The following CHST11 variants were observed in gnomAD, a reference collection of about 807,000 sequenced individuals.
CHST11 encodes the protein carbohydrate sulfotransferase 11, also known as C4S-1.
CHST11 carries 9 observed loss-of-function variants against 30.4 expected under a neutral mutation model. The observed-to-expected ratio is 0.30, with a 90% CI of 0.18 to 0.52. The LOEUF (loss-of-function observed/expected upper bound fraction) is 0.52. Among genes scored for constraint, CHST11 ranks in the 20% least tolerant of loss-of-function variants. The pLI, the probability that CHST11 is intolerant of heterozygous loss-of-function variation, is 0.97. For missense variants in CHST11, 348 were observed against 460.6 expected, an observed-to-expected ratio of 0.76 and a Z score of 2.24; for synonymous variants, 152 against 187.8, an observed-to-expected ratio of 0.81 and a Z score of 1.56.
chr12:104,530,897 A>G (rs777824965), intron 1 of CHST11, among the ~76,000 whole-genome samples: 4 of 152,226 alleles, frequency 2.6e-5, no homozygotes, highest in Admixed American at 6.5e-5. Flanking sequence ...CATGATTTAG[A>G]TGTTTCGCAG....
chr12:104,508,318 T>TG (rs2037927252), intron 1 of CHST11, among the ~76,000 whole-genome samples: 1 of 152,254 alleles, frequency 6.6e-6, no homozygotes, highest in African/African-American at 2.4e-5. Context: ...TCACCCTCTC[T>TG]GGGCTTCAGG....
At chr12:104,531,479 A>AAAAAAAAG (rs1167716012) in intron 1 of CHST11, among the ~76,000 whole-genome samples, 5 of 145,362 alleles carry the variant, frequency 3.4e-5, no homozygotes, top group African/African-American at 1.3e-4. Context: ...AAAAAAAAAA[A>AAAAAAAAG]AGAGAGAGAG....
At chr12:104,639,589 G>A (rs1034137364) in intron 2 of CHST11, among the ~76,000 whole-genome samples, 2 of 152,196 alleles carry the variant, frequency 1.3e-5, no homozygotes, top group Non-Finnish European at 2.9e-5. Context: ...GAGGAGCAAG[G>A]TGGCCTGAGG....
chr12:104,553,258 T>C lies in CHST11; in HGVS notation c.119-48648T>C, dbSNP rs534477811. On this transcript the variant is annotated intron_variant, in intron 1 of 2. Transcript: ENST00000303694. ...GAAATGGTGGTGGTGGGGATGGTTA[T>C]GGTGATAGTTGCAGGGGGAGAGCCT... 2.6e-5 allele frequency: 4 copies of C among 152,358 alleles called. No individual in the cohort carries two copies. In the East Asian group the frequency reaches 7.7e-4, roughly 29 times the overall value. The allele number at this position is 152,358 out of a possible 1,614,324, so 9.4% of individuals were successfully genotyped here. A position where few individuals can be genotyped will look rare whatever the true frequency, so the allele number is the denominator to read the frequency against.
chr12:104,675,243 T>C (rs1276417594), intron 2 of CHST11, among the ~76,000 whole-genome samples: 1 of 152,256 alleles, frequency 6.6e-6, no homozygotes, highest in Non-Finnish European at 1.5e-5. Flanking sequence ...AAGAGAGGTT[T>C]ACCGTTGAAA....
In CHST11 at chr12:104,714,924, G is replaced by A. The variant is rs76291223; in HGVS notation, c.205-42025G>A. On this transcript the variant is annotated intron_variant, in intron 2 of 2. Coordinates refer to ENST00000303694, the MANE Select transcript of CHST11 (RefSeq NM_018413.6). The stretch of plus-strand genomic sequence containing the variant: ...GCTAGAACTCAAGACCTAATGTTCC[G>A]ATCCAGACCCGAAGCAAGCTGGGGT... Among the ~76,000 whole-genome samples the A allele has an allele frequency of 3.8e-3, 580 of 152,234 alleles. 2 individuals are homozygous for A. The highest frequency in any genetic ancestry group is 0.013 in the African/African-American group (540 of 41,528).
At chr12:104,560,076 G>C (rs1037520654) in intron 1 of CHST11, among the ~76,000 whole-genome samples, 2 of 152,160 alleles carry the variant, frequency 1.3e-5, no homozygotes, top group Non-Finnish European at 2.9e-5. Context: ...GAATACCAAG[G>C]ACAAAGGCTC....
At chr12:104,632,202 G>A (rs1255847383) in intron 2 of CHST11, among the ~76,000 whole-genome samples, 1 of 152,006 alleles carries the variant, frequency 6.6e-6, no homozygotes, top group African/African-American at 2.4e-5. Flanking sequence ...CCCAAATGAT[G>A]GATGAATAGA....
At chr12:104,524,039 CTTT>C (rs10594720) in intron 1 of CHST11, among the ~76,000 whole-genome samples, 164 of 128,016 alleles carry the variant, frequency 1.3e-3, no homozygotes, top group Non-Finnish European at 1.7e-3. Flanking sequence ...TTCTTTCTTT[CTTT>C]TTTTTTTTTT....
Position 104,567,414 on chromosome 12 carries a change from G to A in CHST11, c.119-34492G>A, listed in dbSNP as rs181311133. On this transcript the variant is annotated intron_variant, in intron 1 of 2. Coordinates refer to ENST00000303694, the MANE Select transcript of CHST11 (RefSeq NM_018413.6). ...GATTAGTTTCTTTTTGGGTAGAAAG[G>A]TGTTCCCTGGGTGGATGTTTTATGA... 5.9e-5 allele frequency among the ~76,000 whole-genome samples: 9 copies of A among 152,288 alleles called. No homozygotes were observed. The East Asian group carries it at 1.5e-3, about 26-fold the overall frequency.
At chr12:104,717,452 T>A (rs4964832) in intron 2 of CHST11, among the ~76,000 whole-genome samples, 96,576 of 151,854 alleles carry the variant, frequency 0.64, 31,062 homozygotes, top group East Asian at 0.79. Context: ...CCGGGGATGG[T>A]CATAAGTGCC....
intron 2 of CHST11, among the ~76,000 whole-genome samples, chr12:104,710,930 A>T (rs2040082008): frequency 6.6e-6 from 1 of 152,188 alleles, no homozygotes; most frequent in Non-Finnish European, 1.5e-5. Flanking sequence ...GACTGTGGTT[A>T]CAAGTTGAGA....
intron 1 of CHST11, among the ~76,000 whole-genome samples, chr12:104,485,263 A>G (rs1475335444): frequency 6.6e-6 from 1 of 152,188 alleles, no homozygotes. Flanking sequence ...GCTTTGAGAA[A>G]CACATCTCTG....
intron 2 of CHST11, among the ~76,000 whole-genome samples, chr12:104,719,339 C>T (rs1430711796): frequency 6.6e-6 from 1 of 152,210 alleles, no homozygotes; most frequent in East Asian, 1.9e-4. Context: ...TGTTGGCTTA[C>T]AAGTAGGAAA....
intron 1 of CHST11, among the ~76,000 whole-genome samples, chr12:104,462,906 C>T (rs991687956): frequency 1.3e-5 from 2 of 152,122 alleles, no homozygotes; most frequent in South Asian, 4.1e-4. Flanking sequence ...TAGGTGATCT[C>T]CTTTGATTGT....
At chr12:104,649,635 A>C (rs564796031) in intron 2 of CHST11, among the ~76,000 whole-genome samples, 1 of 152,346 alleles carries the variant, frequency 6.6e-6, no homozygotes, top group East Asian at 1.9e-4. Flanking sequence ...CTTCTTCCAC[A>C]GTGGAGCAAT....
chr12:104,527,192 T>A (rs1412483589), intron 1 of CHST11, among the ~76,000 whole-genome samples: 1 of 152,186 alleles, frequency 6.6e-6, no homozygotes, highest in Admixed American at 6.5e-5. Flanking sequence ...ACTAATCCAG[T>A]CTGACTGATG....
intron 1 of CHST11, among the ~76,000 whole-genome samples, chr12:104,493,269 T>C (rs1199603262): frequency 6.6e-6 from 1 of 152,238 alleles, no homozygotes; most frequent in Non-Finnish European, 1.5e-5. Flanking sequence ...AGTGTTTACC[T>C]TGGAGCTGGT....
At chr12:104,514,486 C>A in intron 1 of CHST11, 1 of 700,358 alleles carries the variant, frequency 1.4e-6, no homozygotes, top group Non-Finnish European at 2.6e-6. Flanking sequence ...CGACTCCATA[C>A]CATTACTGGT....
Sources: gnomAD v4.1 joint callset for allele counts (sites outside exome capture counted in the v4.1 genomes callset) on GRCh38, gnomAD v4.1.1 for gene constraint, MANE v1.5 for transcripts, NCBI Gene and HGNC (gene_info 2026-07-23, HGNC 2026-07-21) for gene names.